CSMD1: variants seen among roughly 807,000 people sequenced by gnomAD.
CSMD1 encodes CUB and Sushi multiple domains 1.
CSMD1 carries 213 observed loss-of-function variants against 417.5 expected under a neutral mutation model. That is an observed-to-expected ratio of 0.51 (90% CI 0.46 to 0.57). CSMD1 has a LOEUF of 0.57. CSMD1 is among the 20% of genes least tolerant of loss of function. The pLI is 0.00. For missense variants in CSMD1, 6,923 were observed against 4,529.7 expected, an observed-to-expected ratio of 1.53 and a Z score of -15.17; for synonymous variants, 2,862 against 1,736.8, an observed-to-expected ratio of 1.65 and a Z score of -16.11.
chr8:4,813,018 G>A (rs960377738), intron 1 of CSMD1, among the ~76,000 whole-genome samples: 1 of 152,088 alleles, frequency 6.6e-6, no homozygotes, highest in Admixed American at 6.6e-5. Flanking sequence ...CACCAACACT[G>A]GAATCCACAA....
At chr8:3,346,653 C>T (rs1380299524) in intron 22 of CSMD1, among the ~76,000 whole-genome samples, 20 of 152,200 alleles carry the variant, frequency 1.3e-4, no homozygotes, top group Admixed American at 1.3e-3. Flanking sequence ...CTGACCTTTG[C>T]ACATAACTTC....
chr8:4,054,182 A>C (rs1337487916), intron 3 of CSMD1, among the ~76,000 whole-genome samples: 1 of 152,158 alleles, frequency 6.6e-6, no homozygotes, highest in Non-Finnish European at 1.5e-5. Flanking sequence ...GATTTCACAG[A>C]ACGCACGGCC....
rs376850796 is a variant in CSMD1, at chr8:3,042,279, G to A, written c.7660+10183C>T. Among the ~76,000 whole-genome samples the A allele has an allele frequency of 5.7e-4, 87 of 151,954 alleles. 1 individual carries two copies. Among genetic ancestry groups the A allele is most frequent in the South Asian group, 4.4e-3 (21 of 4,800 alleles). On this transcript the variant is annotated intron_variant, in intron 50 of 69. Coordinates refer to ENST00000635120, the MANE Select transcript of CSMD1 (RefSeq NM_033225.6). ...ACCCTCCTATCTAGCACAGAGACTC[G>A]TGCATCTCCTTAGCTAAGGTACCAA... is the stretch of plus-strand genomic sequence containing the variant.
intron 54 of CSMD1, among the ~76,000 whole-genome samples, chr8:2,997,200 G>C (rs1276444897): frequency 6.6e-6 from 1 of 152,212 alleles, no homozygotes; most frequent in East Asian, 1.9e-4. Flanking sequence ...ACAGAGGTAG[G>C]AGTCTTTACT....
chr8:4,952,662 T>G (rs917192044), intron 1 of CSMD1, among the ~76,000 whole-genome samples: 24 of 152,094 alleles, frequency 1.6e-4, no homozygotes, highest in African/African-American at 5.8e-4. Flanking sequence ...AATATGGATT[T>G]AAAAATCTAT....
At chr8:4,145,122 G>A (rs908739075) in intron 3 of CSMD1, among the ~76,000 whole-genome samples, 40 of 151,146 alleles carry the variant, frequency 2.6e-4, no homozygotes, top group African/African-American at 4.7e-4. Flanking sequence ...ATTACATGGC[G>A]CAGATATAAT....
chr8:3,899,976 G>C (rs1397876961), intron 5 of CSMD1, among the ~76,000 whole-genome samples: 1 of 152,244 alleles, frequency 6.6e-6, no homozygotes, highest in Non-Finnish European at 1.5e-5. Flanking sequence ...CACTGGGCTT[G>C]TTGAGCTGCA....
intron 1 of CSMD1, among the ~76,000 whole-genome samples, chr8:4,780,851 A>G (rs1029564927): frequency 2.6e-5 from 4 of 152,194 alleles, no homozygotes; most frequent in Admixed American, 6.6e-5. Flanking sequence ...TACTCCACTT[A>G]AAACAATAAT....
chr8:3,845,126 A>G (rs576607332), intron 5 of CSMD1, among the ~76,000 whole-genome samples: 10 of 152,358 alleles, frequency 6.6e-5, no homozygotes, highest in African/African-American at 2.2e-4. Context: ...TATAAGGCAA[A>G]TCTGTAGACA....
intron 36 of CSMD1, among the ~76,000 whole-genome samples, chr8:3,185,919 T>G (rs2589290): frequency 6.6e-6 from 1 of 151,944 alleles, no homozygotes; most frequent in Non-Finnish European, 1.5e-5. Context: ...ACAGACTGCA[T>G]GGCTCCCGTG....
chr8:3,252,173 A>G (rs956840482), intron 26 of CSMD1, among the ~76,000 whole-genome samples: 5 of 152,194 alleles, frequency 3.3e-5, no homozygotes, highest in African/African-American at 1.2e-4. Flanking sequence ...GTTTTTGCCC[A>G]TTCAGTATGA....
intron 3 of CSMD1, among the ~76,000 whole-genome samples, chr8:4,419,562 A>C (rs538387871): frequency 3.0e-4 from 46 of 152,202 alleles, no homozygotes; most frequent in Non-Finnish European, 4.9e-4. Context: ...TCATTTAATG[A>C]AATTTCCTTT....
At chr8:3,020,510 G>A (rs1809275751) in intron 51 of CSMD1, among the ~76,000 whole-genome samples, 1 of 152,034 alleles carries the variant, frequency 6.6e-6, no homozygotes, top group Non-Finnish European at 1.5e-5. Flanking sequence ...CTTAGTGCAT[G>A]GGCACCACCA....
chr8:3,589,113 C>G (rs76871963), intron 8 of CSMD1, among the ~76,000 whole-genome samples: 5,703 of 152,074 alleles, frequency 0.038, 286 homozygotes, highest in Admixed American at 0.13. Flanking sequence ...AAAAGGGAAC[C>G]CTTGTACATT....
chr8:3,213,807 C>CAT (rs910774605), intron 30 of CSMD1, among the ~76,000 whole-genome samples: 26 of 148,820 alleles, frequency 1.7e-4, no homozygotes, highest in South Asian at 6.4e-4. Flanking sequence ...GACTCCATCT[C>CAT]ATATATATAT....
At chr8:3,565,199 C>CAGATAGATAAT (rs1799650989) in intron 10 of CSMD1, among the ~76,000 whole-genome samples, 1 of 88,490 alleles carries the variant, frequency 1.1e-5, no homozygotes, top group Non-Finnish European at 2.4e-5. Context: ...CATAGATAGA[C>CAGATAGATAAT]AGATAGATAG....
intron 3 of CSMD1, among the ~76,000 whole-genome samples, chr8:4,132,159 C>A (rs1442217722): frequency 1.3e-5 from 2 of 149,558 alleles, no homozygotes; most frequent in Admixed American, 1.3e-4. Context: ...TCAGCTGTTG[C>A]CTGTTTGTTT....
At chr8:4,598,472 G>A (rs2130755849) in intron 2 of CSMD1, among the ~76,000 whole-genome samples, 1 of 152,274 alleles carries the variant, frequency 6.6e-6, no homozygotes, top group East Asian at 1.9e-4. Context: ...TAGTGATGGT[G>A]GCTGATGGAT....
chr8:4,804,458 A>AT (rs112384844), intron 1 of CSMD1, among the ~76,000 whole-genome samples: 8,663 of 145,530 alleles, frequency 0.06, 398 homozygotes, highest in East Asian at 0.23. Context: ...TTCGGTGTAG[A>AT]TTTTTTTTTT....
Sources: allele counts gnomAD v4.1 joint callset (sites outside exome capture counted in the v4.1 genomes callset), GRCh38; gene constraint gnomAD v4.1.1; transcripts MANE v1.5; gene names NCBI Gene and HGNC (gene_info 2026-07-23, HGNC 2026-07-21).